F13A1: variants seen among roughly 807,000 people sequenced by gnomAD.
F13A1 encodes the protein FSF, A subunit.
F13A1 carries 47 observed loss-of-function variants against 80.1 expected under a neutral mutation model. The observed-to-expected ratio is 0.59, with a 90% CI of 0.46 to 0.75. The LOEUF (loss-of-function observed/expected upper bound fraction) is 0.75. Ranked by LOEUF, F13A1 falls within the 30% of genes least tolerant of loss-of-function variation. F13A1 has a pLI of 0.00. For synonymous variants in F13A1, 349 were observed against 344.9 expected, an observed-to-expected ratio of 1.01 and a Z score of -0.13; for missense variants, 817 against 930.4, an observed-to-expected ratio of 0.88 and a Z score of 1.59.
At chr6:6,249,231 T>C (rs1473325677) in intron 5 of F13A1, among the ~76,000 whole-genome samples, 1 of 152,256 alleles carries the variant, frequency 6.6e-6, no homozygotes, top group African/African-American at 2.4e-5. Context: ...TAATGGCTAA[T>C]TACCACACAA....
intron 13 of F13A1, among the ~76,000 whole-genome samples, chr6:6,153,156 T>A (rs1262540460): frequency 6.6e-6 from 1 of 152,200 alleles, no homozygotes; most frequent in African/African-American, 2.4e-5. Flanking sequence ...AAAATGGAAT[T>A]TACTGGATGT....
In F13A1 at chr6:6,266,812, A is replaced by G. The variant is rs1319611432; in HGVS notation, c.320-3T>C. On this transcript the variant is annotated splice_region_variant and splice_polypyrimidine_tract_variant and intron_variant, in intron 3 of 14. Coordinates refer to ENST00000264870, the MANE Select transcript of F13A1 (RefSeq NM_000129.4). Reference sequence around the variant, plus strand: ...CTTGTTCTCCTGTGGGTAGCGACCTATGAGAAGAGAGAAGAAATACTCTGT... The same window carrying G: ...CTTGTTCTCCTGTGGGTAGCGACCTGTGAGAAGAGAGAAGAAATACTCTGT... The G allele has an allele frequency of 1.2e-6, 2 of 1,614,154 alleles. No homozygotes were observed. The highest frequency in any genetic ancestry group is 1.1e-5 in the South Asian group (1 of 91,086).
rs142150416 is a variant in F13A1 at position 6,255,954 on chromosome 6, G to A, written c.572-5025C>T. 6.4e-4 allele frequency among the ~76,000 whole-genome samples: 97 copies of A among 152,194 alleles called. 1 individual carries two copies. The East Asian group carries it at 0.017, about 27-fold the overall frequency. On this transcript the variant is annotated intron_variant, in intron 4 of 14. Transcript: ENST00000264870. The stretch of plus-strand genomic sequence containing the variant: ...GGTTAAAAAAAATTGTATCACGATG[G>A]AAACTCCAAAAAAACTCCCTATGTT...
At chr6:6,259,806 G>A (rs971753260) in intron 4 of F13A1, among the ~76,000 whole-genome samples, 1 of 152,182 alleles carries the variant, frequency 6.6e-6, no homozygotes, top group Non-Finnish European at 1.5e-5. Context: ...TGGAATGGGG[G>A]AACAACTTAT....
In F13A1 at chr6:6,278,209, G is replaced by A. The variant is rs185929352; in HGVS notation, c.320-11400C>T. Among the ~76,000 whole-genome samples the A allele has an allele frequency of 3.9e-5, 6 of 152,320 alleles. No individual in the cohort carries two copies. The South Asian group carries it at 6.2e-4, about 16-fold the overall frequency. On this transcript the variant is annotated intron_variant, in intron 3 of 14. Coordinates refer to ENST00000264870, the MANE Select transcript of F13A1 (RefSeq NM_000129.4). ...GCAGTGTCAACACATAAAGATTAAT[G>A]GAGTGTATAGTCTAGTGGGAGTATA...
intron 3 of F13A1, among the ~76,000 whole-genome samples, chr6:6,271,253 TG>T (rs1414812933): frequency 6.6e-6 from 1 of 152,200 alleles, no homozygotes; most frequent in Admixed American, 6.5e-5. Flanking sequence ...GTGACAGCAC[TG>T]GGGAAGTACT....
intron 10 of F13A1, among the ~76,000 whole-genome samples, chr6:6,192,062 C>T (rs1178031291): frequency 6.6e-6 from 1 of 152,172 alleles, no homozygotes; most frequent in South Asian, 2.1e-4. Context: ...GTGAGGGGAG[C>T]TTTCCTAGCA....
chr6:6,209,323 T>TA (rs34436663), intron 8 of F13A1, among the ~76,000 whole-genome samples: 14,984 of 131,702 alleles, frequency 0.11, 1,357 homozygotes, highest in East Asian at 0.43. Flanking sequence ...CAATAATAAT[T>TA]AAAAAAAAAA....
At chr6:6,212,305 G>A (rs1181779220) in intron 8 of F13A1, among the ~76,000 whole-genome samples, 4 of 152,168 alleles carry the variant, frequency 2.6e-5, no homozygotes, top group African/African-American at 7.2e-5. Flanking sequence ...GAGAGCAGTG[G>A]TTCTCCCAGC....
chr6:6,167,317 G>A lies in F13A1; in HGVS notation c.1908+141C>T, dbSNP rs575246894. On this transcript the variant is annotated intron_variant, in intron 13 of 14. Transcript: ENST00000264870. ...TCTTTCAAAGAACAAGAGGATCCTA[G>A]CACTGGTATTTTTTTTTTTTTTTTT... The A allele has an allele frequency of 6.5e-4, 623 of 956,174 alleles. 3 individuals carry two copies. The African/African-American group carries it at 0.011, about 17-fold the overall frequency. 59.2% of individuals were successfully genotyped at this position (956,174 alleles called of 1,614,324 possible). A position where few individuals can be genotyped will look rare whatever the true frequency, so the allele number is the denominator to read the frequency against.
Position 6,266,256 on chromosome 6 carries a change from G to A in F13A1, c.571+302C>T, listed in dbSNP as rs111443705. 2.7e-3 allele frequency among the ~76,000 whole-genome samples: 410 copies of A among 152,126 alleles called. 4 individuals carry two copies. The highest frequency in any genetic ancestry group is 9.3e-3 in the African/African-American group (384 of 41,490). On this transcript the variant is annotated intron_variant, in intron 4 of 14. Transcript: ENST00000264870. ...TGTTTTTTTTCTTTTTTCAAAGACG[G>A]AGTCTTGCTCTGTTGCCCAGGCTGG... is the stretch of plus-strand genomic sequence containing the variant.
intron 8 of F13A1, among the ~76,000 whole-genome samples, chr6:6,209,388 A>G (rs749630941): frequency 6.6e-6 from 1 of 152,048 alleles, no homozygotes; most frequent in Non-Finnish European, 1.5e-5. Context: ...ACTTTTGTGT[A>G]TTGCTAGTGG....
chr6:6,257,280 T>G (rs1168489649), intron 4 of F13A1, among the ~76,000 whole-genome samples: 1 of 152,176 alleles, frequency 6.6e-6, no homozygotes, highest in African/African-American at 2.4e-5. Flanking sequence ...GTGTGTGCTG[T>G]GGCATACCAG....
chr6:6,232,361 C>T (rs1208970935), intron 6 of F13A1, among the ~76,000 whole-genome samples: 1 of 152,134 alleles, frequency 6.6e-6, no homozygotes, highest in African/African-American at 2.4e-5. Flanking sequence ...CAAAGAGGGA[C>T]ATTATATAAT....
At chr6:6,187,162 A>T (rs142270405) in intron 10 of F13A1, among the ~76,000 whole-genome samples, 1 of 110,562 alleles carries the variant, frequency 9.0e-6, no homozygotes, top group Non-Finnish European at 1.9e-5. Context: ...CAATCATGTC[A>T]TCTGCAAACA....
intron 6 of F13A1, among the ~76,000 whole-genome samples, chr6:6,235,665 G>A (rs1303731492): frequency 6.6e-6 from 1 of 152,034 alleles, no homozygotes; most frequent in African/African-American, 2.4e-5. Context: ...CAACACTTTA[G>A]ACTCTCATAT....
intron 3 of F13A1, among the ~76,000 whole-genome samples, chr6:6,275,695 G>C (rs1561676145): frequency 6.6e-6 from 1 of 152,164 alleles, no homozygotes. Flanking sequence ...GTGAGATACA[G>C]CCATGAACCA....
At chr6:6,150,053 G>A (rs899542263) in intron 14 of F13A1, among the ~76,000 whole-genome samples, 2 of 152,206 alleles carry the variant, frequency 1.3e-5, no homozygotes, top group African/African-American at 4.8e-5. Context: ...AAGACACACA[G>A]TGTCTTTTTT....
At position 6,145,319 on chromosome 6, in the gene F13A1, T is replaced by C. The variant is rs932110382; in HGVS notation, c.*300A>G. The C allele has an allele frequency of 5.0e-6, 2 of 403,870 alleles. No individual in the cohort carries two copies. The highest frequency in any genetic ancestry group is 4.7e-6 in the Non-Finnish European group (1 of 213,760). The allele number at this position is 403,870 out of a possible 1,614,324, so 25.0% of individuals were successfully genotyped here. A position where few individuals can be genotyped will look rare whatever the true frequency, so the allele number is the denominator to read the frequency against. ...AAGAGAGCCCACTGATATTTGGAGA[T>C]GTAGCCATTTGTGATGATAAATGAT... On this transcript the variant is annotated 3_prime_UTR_variant, in exon 15 of 15. Coordinates refer to ENST00000264870, the MANE Select transcript of F13A1 (RefSeq NM_000129.4).
Sources: allele counts gnomAD v4.1 joint callset (sites outside exome capture counted in the v4.1 genomes callset), GRCh38; gene constraint gnomAD v4.1.1; transcripts MANE v1.5; gene names NCBI Gene and HGNC (gene_info 2026-07-23, HGNC 2026-07-21).